Variants in CES3 observed in about 807,000 individuals in gnomAD.
CES3 encodes carboxylesterase 3, also known as carboxylesterase 3 (brain).
Under a neutral mutation model 57.6 loss-of-function variants are expected in CES3, and 49 were observed. The ratio of observed to expected loss-of-function variants is 0.85; its 90% CI spans 0.68 to 1.08. The LOEUF is 1.08. CES3 is among the 50% of genes least tolerant of loss of function. CES3 has a pLI of 0.00. For synonymous variants in CES3, 266 were observed against 281.6 expected, an observed-to-expected ratio of 0.94 and a Z score of 0.55; for missense variants, 645 against 742.0, an observed-to-expected ratio of 0.87 and a Z score of 1.52.
chr16:66,974,954 C>G lies in CES3; in HGVS notation c.*1905C>G, dbSNP rs1041283327. 1 of 152,170 alleles carries G rather than the reference C, an allele frequency of 6.6e-6. No individual in the cohort carries two copies. Among genetic ancestry groups the G allele is most frequent in the Non-Finnish European group, 1.5e-5 (1 of 68,076 alleles). 9.4% of individuals were successfully genotyped at this position (152,170 alleles called of 1,614,324 possible). A position where few individuals can be genotyped will look rare whatever the true frequency, so the allele number is the denominator to read the frequency against. ...TTGTGTCTAGCTCAGGGATCGTAAA[C>G]GCACCAATCAGCACCCTGTCAAAAC... On this transcript the variant is annotated 3_prime_UTR_variant, in exon 13 of 13. Coordinates refer to ENST00000303334, the MANE Select transcript of CES3 (RefSeq NM_024922.6).
At chr16:66,966,572 G>T in intron 7 of CES3, 153 bp from the exon 8 acceptor site, 2 of 1,004,604 alleles carry the variant, frequency 2.0e-6, no homozygotes, top group East Asian at 2.5e-5. Flanking sequence ...CTGATCTCCT[G>T]GTTCCCCCGA....
At chr16:66,964,135 G>T (rs571109768) in intron 4 of CES3, among the ~76,000 whole-genome samples, 200 bp downstream of exon 4, 2 of 152,320 alleles carry the variant, frequency 1.3e-5, no homozygotes, top group East Asian at 3.9e-4. Context: ...AGTGAACTTG[G>T]TCCCTTGGGC....
At chr16:66,968,222 C>T (rs571517772) in intron 8 of CES3, among the ~76,000 whole-genome samples, 3 of 152,256 alleles carry the variant, frequency 2.0e-5, no homozygotes, top group South Asian at 2.1e-4. Context: ...TGCAATGGCG[C>T]GATCTTAGCT....
In CES3 at chr16:66,966,958, C is replaced by T. The variant is rs1415885975; in HGVS notation, c.1062+93C>T. On this transcript the variant is annotated intron_variant, in intron 8 of 12. Coordinates refer to ENST00000303334, the MANE Select transcript of CES3 (RefSeq NM_024922.6). Reference sequence around the variant, plus strand: ...ACACTACAGCCTTGTGAACGGAGCACTCCCGTTACTCCCATTTGATAAGTG... The same window carrying T: ...ACACTACAGCCTTGTGAACGGAGCATTCCCGTTACTCCCATTTGATAAGTG... The T allele has an allele frequency of 3.6e-6, 5 of 1,394,414 alleles. No homozygotes were observed. In the Admixed American group the frequency reaches 7.6e-5, roughly 21 times the overall value. 86.4% of individuals were successfully genotyped at this position (1,394,414 alleles called of 1,614,324 possible).
chr16:66,971,129 T>TCTGTGCACCCTGAGCAGGG, intron 9 of CES3, 43 bp from the exon 10 acceptor site: 1 of 1,581,446 alleles, frequency 6.3e-7, no homozygotes, highest in Non-Finnish European at 8.6e-7. Flanking sequence ...GTCTGCCACA[T>TCTGTGCACCCTGAGCAGGG]CTGTGCACCC....
At chr16:66,962,278 C>G (rs1223006974) in intron 1 of CES3, among the ~76,000 whole-genome samples, 1 of 152,158 alleles carries the variant, frequency 6.6e-6, no homozygotes, top group Non-Finnish European at 1.5e-5. Flanking sequence ...TGCCTTTGCT[C>G]CCTAGAGAGA....
chr16:66,963,924 T>C lies in CES3; in HGVS notation c.549T>C (p.Leu183=). 6.2e-7 allele frequency: 1 copy of C among 1,612,944 alleles called. No homozygotes were observed. Among genetic ancestry groups the C allele is most frequent in the South Asian group, 1.1e-5 (1 of 91,044 alleles). ...VVTVQYRLGV[L]GFFSTGDEHA... ...CAGTCCAGTACCGCCTTGGGGTCCT[T>C]GGCTTCTTCAGGTGAGACGACAGGC... is the stretch of plus-strand genomic sequence containing the variant. Residue 183 remains leucine (L), a synonymous_variant, in exon 4 of 13, where the codon CTT becomes CTC. Coordinates refer to ENST00000303334, the MANE Select transcript of CES3 (RefSeq NM_024922.6). This position sits in a 1 kb window ranked among gnomAD's most constrained non-coding sequence, Gnocchi z 4.9.
chr16:66,963,957 G>A lies in CES3; in HGVS notation c.560+22G>A, dbSNP rs1963692686. ...TCAGGTGAGACGACAGGCATGGCCA[G>A]AGCACTGCCTGCACCGGGGAGAGGC... On this transcript the variant is annotated intron_variant, in intron 4 of 12. Coordinates refer to ENST00000303334, the MANE Select transcript of CES3 (RefSeq NM_024922.6). This position sits in a 1 kb window ranked among gnomAD's most constrained non-coding sequence, Gnocchi z 4.9. 6.2e-7 allele frequency: 1 copy of A among 1,604,740 alleles called. No homozygotes were observed. Among genetic ancestry groups the A allele is most frequent in the East Asian group, 2.2e-5 (1 of 44,578 alleles).
rs570521537 is a variant in CES3 at position 66,969,830 on chromosome 16, C to G, written c.1143+71C>G. The G allele has an allele frequency of 2.2e-6, 3 of 1,356,620 alleles. No homozygotes were observed. In the Admixed American group the frequency reaches 5.9e-5, roughly 27 times the overall value. 84.0% of individuals were successfully genotyped at this position (1,356,620 alleles called of 1,614,324 possible). On this transcript the variant is annotated intron_variant, in intron 9 of 12. Transcript: ENST00000303334. ...AGCTAGTGGGTATCCCATCCAACAGCACAGTCTCTGCCCCTACCTTCCGAC... is the reference window on the plus strand; with the variant it reads ...AGCTAGTGGGTATCCCATCCAACAGGACAGTCTCTGCCCCTACCTTCCGAC...
chr16:66,965,174 G>A (rs1567556087), intron 6 of CES3, among the ~76,000 whole-genome samples: 1 of 152,252 alleles, frequency 6.6e-6, no homozygotes. Flanking sequence ...GAGAGTGACA[G>A]GTCCTGCAGG....
At chr16:66,968,394 C>T (rs999538693) in intron 8 of CES3, among the ~76,000 whole-genome samples, 1 of 152,096 alleles carries the variant, frequency 6.6e-6, no homozygotes, top group South Asian at 2.1e-4. Flanking sequence ...TCTGGAACTC[C>T]TGAACTCAGG....
rs772104455 is a variant in CES3 at position 66,963,342 on chromosome 16, G to A, written c.246G>A (p.Gln82=). The part of the protein sequence containing the change: ...PDRFSAPHPA[Q]PWEGVRDAST... Reference sequence around the variant, plus strand: ...GGTTCTCAGCCCCACACCCAGCACAGCCCTGGGAGGGTGTGCGGGATGCCA... The same window carrying A: ...GGTTCTCAGCCCCACACCCAGCACAACCCTGGGAGGGTGTGCGGGATGCCA... The change falls in exon 2 of 13, where the codon CAG becomes CAA. Residue 82 remains glutamine (Q), a synonymous_variant. Transcript: ENST00000303334. The surrounding 1 kb of genome is among the most constrained non-coding windows in gnomAD (Gnocchi z 4.9). 3 of 1,613,428 alleles carry A rather than the reference G, an allele frequency of 1.9e-6. No homozygotes were observed. In the East Asian group the frequency reaches 6.7e-5, roughly 36 times the overall value.
In CES3 at chr16:66,972,901, CG is replaced by C; in HGVS notation, c.1570del (p.Glu524AsnfsTer81). ...ALPPWPQFNQ[A>X]EQYLEINPVP... Reference sequence around the variant, plus strand: ...CCTCCTTGGCCCCAATTCAACCAGGCGGAACAATATCTGGAGATCAACCCAG... The same window carrying C: ...CCTCCTTGGCCCCAATTCAACCAGGCGAACAATATCTGGAGATCAACCCAG... On this transcript the variant is annotated frameshift_variant, in exon 13 of 13. Transcript: ENST00000303334. LOFTEE classifies it low-confidence loss of function (END_TRUNC). 1 of 1,614,124 alleles carries C rather than the reference CG, an allele frequency of 6.2e-7. No homozygotes were observed.
intron 8 of CES3, chr16:66,967,793 G>C (rs78357969): frequency 0.16 from 157,228 of 977,570 alleles, 13,555 homozygotes; most frequent in Non-Finnish European, 0.18. Context: ...ACAGAGCCTC[G>C]ATCCATCATC....
rs761197173 is a variant in CES3, at chr16:66,972,950, C to T, written c.1617C>T (p.Phe539=). Residue 539 remains phenylalanine, a synonymous_variant, in exon 13 of 13, where the codon TTC becomes TTT. Transcript: ENST00000303334. ...INPVPRAGQK[F]REAWMQFWSE... Reference sequence around the variant, plus strand: ...CAGTGCCACGGGCCGGACAGAAGTTCAGGGAGGCCTGGATGCAGTTCTGGT... The same window carrying T: ...CAGTGCCACGGGCCGGACAGAAGTTTAGGGAGGCCTGGATGCAGTTCTGGT... The T allele has an allele frequency of 3.1e-6, 5 of 1,614,128 alleles. No individual in the cohort carries two copies. Among genetic ancestry groups the T allele is most frequent in the Middle Eastern group, 1.6e-4 (1 of 6,062 alleles).
chr16:66,962,469 A>G (rs1963664361), intron 1 of CES3, among the ~76,000 whole-genome samples: 1 of 152,260 alleles, frequency 6.6e-6, no homozygotes, highest in Non-Finnish European at 1.5e-5. Context: ...TACAAGAAAC[A>G]TGGTGCCAGC....
intron 10 of CES3, among the ~76,000 whole-genome samples, chr16:66,971,745 C>T (rs1963837730): frequency 6.6e-6 from 1 of 152,174 alleles, no homozygotes; most frequent in Non-Finnish European, 1.5e-5. Context: ...CCTACCCCCT[C>T]TGAGCCTCAG....
intron 9 of CES3, 30 bp from the exon 10 acceptor site, chr16:66,971,142 A>G: frequency 6.2e-7 from 1 of 1,600,368 alleles, no homozygotes. Flanking sequence ...GTGCACCCTG[A>G]GCAGGGCTGA....
rs780700297 is a variant in CES3, at chr16:66,961,357, G to C, written c.50G>C (p.Cys17Ser). ...VESGVLVGVV[C>S]LLLACPATAT... Reference sequence around the variant, plus strand: ...TCCGGGGTCCTGGTCGGGGTGGTCTGTCTGCTCCTGGCATGCCCTGCCACA... The same window carrying C: ...TCCGGGGTCCTGGTCGGGGTGGTCTCTCTGCTCCTGGCATGCCCTGCCACA... Residue 17 changes from cysteine (C) to serine (S), a missense_variant, in exon 1 of 13, where the codon TGT becomes TCT. By Grantham distance (112) the Cys-to-Ser change is moderately radical. Coordinates refer to ENST00000303334, the MANE Select transcript of CES3 (RefSeq NM_024922.6). 2.5e-6 allele frequency: 4 copies of C among 1,613,454 alleles called. No homozygotes were observed. The highest frequency in any genetic ancestry group is 3.4e-6 in the Non-Finnish European group (4 of 1,179,800).
Sources: gnomAD v4.1 joint callset for allele counts (sites outside exome capture counted in the v4.1 genomes callset) on GRCh38, gnomAD v4.1.1 for gene constraint, Gnocchi (gnomAD v3.1) non-coding constraint, MANE v1.5 for transcripts, NCBI Gene and HGNC (gene_info 2026-07-23, HGNC 2026-07-21) for gene names.